Variants in DYNC1I1 observed in about 807,000 individuals in gnomAD.
DYNC1I1 encodes the protein cytoplasmic dynein 1 intermediate chain 1.
Under a neutral mutation model 86.6 loss-of-function variants are expected in DYNC1I1, and 43 were observed. The ratio of observed to expected loss-of-function variants is 0.50; its 90% CI spans 0.39 to 0.64. The LOEUF (loss-of-function observed/expected upper bound fraction) is 0.64, where lower values mean the gene tolerates loss of function less well. Among genes scored for constraint, DYNC1I1 ranks in the 30% least tolerant of loss-of-function variants. The probability of loss-of-function intolerance (pLI) is 0.00; values close to 1 mark genes in which losing one functional copy is unlikely to be tolerated. For missense variants in DYNC1I1, 604 were observed against 788.8 expected, an observed-to-expected ratio of 0.77 and a Z score of 2.81; for synonymous variants, 262 against 283.7, an observed-to-expected ratio of 0.92 and a Z score of 0.77.
At chr7:95,904,901 A>G (rs1172795067) in intron 6 of DYNC1I1, among the ~76,000 whole-genome samples, 1 of 152,180 alleles carries the variant, frequency 6.6e-6, no homozygotes, top group African/African-American at 2.4e-5. Context: ...GATTTTCCCA[A>G]CATTCCTTTT....
At chr7:95,834,781 G>A (rs1203452843) in intron 5 of DYNC1I1, among the ~76,000 whole-genome samples, 4 of 127,562 alleles carry the variant, frequency 3.1e-5, no homozygotes, top group African/African-American at 1.2e-4. Context: ...AGTATTCTCT[G>A]ATGGTAGTTT....
chr7:95,912,545 A>C (rs1791365359), intron 6 of DYNC1I1, among the ~76,000 whole-genome samples: 1 of 152,184 alleles, frequency 6.6e-6, no homozygotes, highest in Non-Finnish European at 1.5e-5. Flanking sequence ...GTGAATAATT[A>C]ATAATGAGAA....
At chr7:96,098,508 T>C, downstream of DYNC1I1, 8 of 826,180 alleles carry the variant, frequency 9.7e-6, no homozygotes, top group Non-Finnish European at 1.2e-5. Flanking sequence ...AGAGATACAT[T>C]AGAGCCATGT....
intron 5 of DYNC1I1, among the ~76,000 whole-genome samples, chr7:95,847,782 T>C (rs1789473945): frequency 6.6e-6 from 1 of 152,168 alleles, no homozygotes. Context: ...CCAGGAGATC[T>C]CGCTAGGATA....
intron 6 of DYNC1I1, among the ~76,000 whole-genome samples, chr7:95,949,406 C>A (rs181925981): frequency 1.3e-5 from 2 of 152,160 alleles, no homozygotes; most frequent in East Asian, 1.9e-4. Flanking sequence ...GGAAGTGATG[C>A]GTAATTCACC....
intron 6 of DYNC1I1, among the ~76,000 whole-genome samples, chr7:95,947,518 C>A (rs1419215014): frequency 6.6e-6 from 1 of 152,124 alleles, no homozygotes; most frequent in Non-Finnish European, 1.5e-5. Flanking sequence ...GCTGCTGAGG[C>A]CTTCTCCTAG....
In DYNC1I1 at chr7:95,804,778, C is replaced by T. The variant is rs760252944; in HGVS notation, c.49C>T (p.Arg17Cys). ...LKAELERKKQ[R>C]LAQIREEKKR... ...AGCTGAGCTAGAGCGCAAAAAGCAG[C>T]GCTTAGCACAGATAAGAGAAGAGAA... The change falls in exon 2 of 17, where the codon CGC (arginine) becomes TGC (cysteine). Residue 17 changes from arginine (R) to cysteine (C), a missense_variant. Physicochemically the swap from Arg to Cys is radical, Grantham distance 180 (BLOSUM62 -3). Coordinates refer to ENST00000447467, the MANE Select transcript of DYNC1I1 (RefSeq NM_001135556.2). 4.4e-6 allele frequency: 7 copies of T among 1,594,128 alleles called. No individual in the cohort carries two copies. Among genetic ancestry groups the T allele is most frequent in the Non-Finnish European group, 5.1e-6 (6 of 1,169,102 alleles).
intron 10 of DYNC1I1, among the ~76,000 whole-genome samples, chr7:96,027,728 C>G (rs1794714665): frequency 6.6e-6 from 1 of 152,156 alleles, no homozygotes; most frequent in Non-Finnish European, 1.5e-5. Flanking sequence ...TCTAGAATTA[C>G]TCTGCCTTTA....
intron 16 of DYNC1I1, among the ~76,000 whole-genome samples, chr7:96,108,554 C>G (rs1290562688): frequency 6.6e-6 from 1 of 151,810 alleles, no homozygotes; most frequent in African/African-American, 2.4e-5. Context: ...GTGAAGTCAC[C>G]TAGGCTTGGA....
intron 4 of DYNC1I1, among the ~76,000 whole-genome samples, chr7:95,822,991 C>T (rs1174612155): frequency 6.6e-6 from 1 of 152,150 alleles, no homozygotes; most frequent in Non-Finnish European, 1.5e-5. Flanking sequence ...AAACATTCAG[C>T]ATCACCTACT....
At chr7:95,978,719 A>C (rs1038901385) in intron 7 of DYNC1I1, among the ~76,000 whole-genome samples, 1 of 152,220 alleles carries the variant, frequency 6.6e-6, no homozygotes, top group Non-Finnish European at 1.5e-5. Context: ...TCACTTCAAC[A>C]CCTTGTGCTC....
chr7:95,798,534 G>A (rs1298926840), intron 1 of DYNC1I1, among the ~76,000 whole-genome samples: 1 of 152,100 alleles, frequency 6.6e-6, no homozygotes, highest in African/African-American at 2.4e-5. Context: ...GAGCTGACAA[G>A]AGCAATTGTT....
intron 9 of DYNC1I1, among the ~76,000 whole-genome samples, chr7:95,995,705 C>T (rs1460157509): frequency 2.6e-5 from 4 of 152,016 alleles, no homozygotes; most frequent in African/African-American, 4.8e-5. Flanking sequence ...TCAAATAATA[C>T]GGAGAGGTAA....
At chr7:95,933,720 A>G (rs1791964734) in intron 6 of DYNC1I1, among the ~76,000 whole-genome samples, 1 of 152,178 alleles carries the variant, frequency 6.6e-6, no homozygotes, top group Admixed American at 6.5e-5. Flanking sequence ...TTTTTTAAAA[A>G]AAACTTCACA....
At chr7:96,109,494 C>T (rs1022214861) in intron 16 of DYNC1I1, among the ~76,000 whole-genome samples, 1 of 151,802 alleles carries the variant, frequency 6.6e-6, no homozygotes, top group Admixed American at 6.6e-5. Context: ...GATTTGAGAC[C>T]TTCCATCTTT....
At chr7:96,031,383 A>G (rs1217578188) in intron 11 of DYNC1I1, among the ~76,000 whole-genome samples, 1 of 152,182 alleles carries the variant, frequency 6.6e-6, no homozygotes. Context: ...ATAAATATTC[A>G]AAAAGCTGTA....
chr7:95,917,133 C>A (rs1791491452), intron 6 of DYNC1I1, among the ~76,000 whole-genome samples: 1 of 152,162 alleles, frequency 6.6e-6, no homozygotes, highest in African/African-American at 2.4e-5. Flanking sequence ...TTTACACTTT[C>A]ACTTTCCAAC....
At chr7:95,922,906 A>G (rs1413550946) in intron 6 of DYNC1I1, among the ~76,000 whole-genome samples, 1 of 152,080 alleles carries the variant, frequency 6.6e-6, no homozygotes, top group Non-Finnish European at 1.5e-5. Context: ...TTAGTTCTAA[A>G]GACGTATTTT....
At chr7:95,869,472 CCT>C (rs906283987) in intron 5 of DYNC1I1, among the ~76,000 whole-genome samples, 3 of 151,342 alleles carry the variant, frequency 2.0e-5, no homozygotes, top group African/African-American at 7.3e-5. Context: ...AAAGAACCCA[CCT>C]CTCTTTTTTT....
Sources: allele counts gnomAD v4.1 joint callset (sites outside exome capture counted in the v4.1 genomes callset), GRCh38; gene constraint gnomAD v4.1.1; transcripts MANE v1.5; gene names NCBI Gene and HGNC (gene_info 2026-07-23, HGNC 2026-07-21).